Variants in MDC1 observed in about 807,000 individuals in gnomAD.
MDC1 encodes the protein mediator of DNA damage checkpoint protein 1.
A neutral mutation model predicts 142.5 loss-of-function variants in MDC1; 81 were observed. The observed-to-expected ratio is 0.57, with a 90% CI of 0.47 to 0.68. The LOEUF (loss-of-function observed/expected upper bound fraction) is 0.68, where lower values mean the gene tolerates loss of function less well. Among genes scored for constraint, MDC1 ranks in the 30% least tolerant of loss-of-function variants. MDC1 has a pLI of 0.00. For missense variants in MDC1, 2,119 were observed against 2,547.9 expected (o/e 0.83, Z 3.62); for synonymous variants, 797 against 968.4 (o/e 0.82, Z 3.29).
chr6:30,706,711 C>T (rs931012659), intron 9 of MDC1, among the ~76,000 whole-genome samples: 29 of 146,088 alleles, frequency 2.0e-4, no homozygotes, highest in African/African-American at 7.2e-4. Context: ...GGAGGAGAGT[C>T]GCTTGAACCC....
rs778948811 is a variant in MDC1, at chr6:30,705,933, C to G, written c.3250G>C (p.Asp1084His). 1 of 1,613,860 alleles carries G rather than the reference C, an allele frequency of 6.2e-7. No individual in the cohort carries two copies. The highest frequency in any genetic ancestry group is 2.2e-5 in the East Asian group (1 of 44,880). ...GCCTCTGGAGCTTCCTGACTCCCATCTTGCCTGGTCTTACGAACGGTTGGC... is the reference window on the plus strand; with the variant it reads ...GCCTCTGGAGCTTCCTGACTCCCATGTTGCCTGGTCTTACGAACGGTTGGC... ...IKPTVRKTRQ[D>H]GSQEAPEAPL... is the part of the protein sequence containing the mutation. Residue 1084 changes from aspartate (D) to histidine (H), a missense_variant, in exon 10 of 15, where the codon GAT becomes CAT. Physicochemically the swap from Asp to His is moderately conservative, Grantham distance 81 (BLOSUM62 -1). Coordinates refer to ENST00000376406, the MANE Select transcript of MDC1 (RefSeq NM_014641.3).
intron 14 of MDC1, 77 bp downstream of exon 14, chr6:30,702,476 C>T (rs371915350): frequency 8.4e-7 from 1 of 1,184,648 alleles, no homozygotes. Context: ...ATTTTTTTCC[C>T]TCCAATCTTT....
At chr6:30,701,221 T>G (rs2127650881) in intron 14 of MDC1, among the ~76,000 whole-genome samples, 1 of 151,390 alleles carries the variant, frequency 6.6e-6, no homozygotes, top group East Asian at 1.9e-4. Context: ...GCCAACATGG[T>G]GAAACCCCGT....
In MDC1 at chr6:30,704,373, A is replaced by G; in HGVS notation, c.4810T>C (p.Ser1604Pro). The change falls in exon 10 of 15, where the codon TCC (serine) becomes CCC (proline). Residue 1604 changes from serine to proline, a missense_variant. Coordinates refer to ENST00000376406, the MANE Select transcript of MDC1 (RefSeq NM_014641.3). Reference protein sequence around the residue: ...SRATRCRTNRSSVKTPEPVVP... With the variant: ...SRATRCRTNRPSVKTPEPVVP... ...ACTGGCTCAGGGGTCTTGACAGAGG[A>G]CCTATTTGTCCTGCACCTAGTGGCC... 1 of 1,611,490 alleles carries G rather than the reference A, an allele frequency of 6.2e-7. No homozygotes were observed. The highest frequency in any genetic ancestry group is 8.5e-7 in the Non-Finnish European group (1 of 1,179,442).
In MDC1 at chr6:30,704,069, G is replaced by A; in HGVS notation, c.5114C>T (p.Thr1705Ile). Residue 1705 changes from threonine to isoleucine, a missense_variant, in exon 10 of 15, where the codon ACC becomes ATC. Thr to Ile is a moderately conservative substitution (Grantham distance 89, BLOSUM62 -1). Transcript: ENST00000376406. The stretch of plus-strand genomic sequence containing the variant: ...CTCAGGGGAAATAGGCTGGTCTGTG[G>A]TGACAGGAGATTGGAATTCAGGGGT... Reference protein sequence around the residue: ...PTTPEFQSPVTTDQPISPEPI... With the variant: ...PTTPEFQSPVITDQPISPEPI... 1 of 1,614,166 alleles carries A rather than the reference G, an allele frequency of 6.2e-7. No individual in the cohort carries two copies. The highest frequency in any genetic ancestry group is 2.2e-5 in the East Asian group (1 of 44,886).
At position 30,703,829 on chromosome 6, in the gene MDC1, G is replaced by A. The variant is rs147739737; in HGVS notation, c.5354C>T (p.Ala1785Val). The A allele has an allele frequency of 3.7e-5, 59 of 1,611,136 alleles. No individual in the cohort carries two copies. Among genetic ancestry groups the A allele is most frequent in the Non-Finnish European group, 4.4e-5 (52 of 1,178,632 alleles). Reference sequence around the variant, plus strand: ...TGGTTCCACCTTTTGGATCTGGGAGGCATGAATTGGTGTCTCAAGAAGCTG... The same window carrying A: ...TGGTTCCACCTTTTGGATCTGGGAGACATGAATTGGTGTCTCAAGAAGCTG... ...SPQLLETPIH[A>V]SQIQKVEPAG... Residue 1785 changes from alanine to valine, a missense_variant, in exon 10 of 15, where the codon GCC (alanine) becomes GTC (valine). Coordinates refer to ENST00000376406, the MANE Select transcript of MDC1 (RefSeq NM_014641.3). The surrounding 1 kb of genome is among the most constrained non-coding windows in gnomAD (Gnocchi z 4.4).
chr6:30,706,194 TA>T (rs1703935809), intron 9 of MDC1, 96 bp from the exon 10 acceptor site: 2 of 1,116,136 alleles, frequency 1.8e-6, no homozygotes, highest in South Asian at 3.3e-5. Context: ...TAGATAGGCT[TA>T]CCAGATTTCC....
chr6:30,710,579 T>C (rs1774704339), intron 7 of MDC1, among the ~76,000 whole-genome samples: 1 of 152,102 alleles, frequency 6.6e-6, no homozygotes, highest in African/African-American at 2.4e-5. Context: ...GTATTTTTAG[T>C]AGAGACGGGG....
intron 14 of MDC1, 49 bp from the exon 15 acceptor site, chr6:30,700,681 A>C (rs1351223937): frequency 6.2e-7 from 1 of 1,604,548 alleles, no homozygotes; most frequent in Admixed American, 1.7e-5. Flanking sequence ...GAATCCTAGA[A>C]ATGGGTTCAG....
chr6:30,705,781 G>A lies in MDC1; in HGVS notation c.3402C>T (p.Ala1134=). The A allele has an allele frequency of 6.2e-7, 1 of 1,613,232 alleles. No individual in the cohort carries two copies. Among genetic ancestry groups the A allele is most frequent in the Non-Finnish European group, 8.5e-7 (1 of 1,179,492 alleles). Reference sequence around the variant, plus strand: ...ATGTGGGCTTGGGAGTGACTGGCTGGGCTGTGGAGGTGGAAGGGTGGGGCT... The same window carrying A: ...ATGTGGGCTTGGGAGTGACTGGCTGAGCTGTGGAGGTGGAAGGGTGGGGCT... The part of the protein sequence containing the change: ...APEPHPSTST[A]QPVTPKPTSQ... Residue 1134 remains alanine (A), a synonymous_variant, in exon 10 of 15, where the codon GCC becomes GCT. Coordinates refer to ENST00000376406, the MANE Select transcript of MDC1 (RefSeq NM_014641.3).
chr6:30,707,700 C>G lies in MDC1; in HGVS notation c.2879G>C (p.Gly960Ala). ...EPEGGSQDQK[G>A]QASSPTPEPG... ...CTCTGGTGTTGGGCTGGAGGCCTGC[C>G]CTTTCTGGTCCTGGCTCCCTCCCTC... is the stretch of plus-strand genomic sequence containing the variant. The change falls in exon 8 of 15, where the codon GGG becomes GCG. Residue 960 changes from glycine (G) to alanine (A), a missense_variant. By Grantham distance (60) the Gly-to-Ala change is moderately conservative. Transcript: ENST00000376406. 1 of 1,613,092 alleles carries G rather than the reference C, an allele frequency of 6.2e-7. No individual in the cohort carries two copies. Among genetic ancestry groups the G allele is most frequent in the Non-Finnish European group, 8.5e-7 (1 of 1,180,036 alleles).
At position 30,712,735 on chromosome 6, in the gene MDC1, C is replaced by T. The variant is rs144473623; in HGVS notation, c.1207G>A (p.Asp403Asn). 53 of 1,613,060 alleles carry T rather than the reference C, an allele frequency of 3.3e-5. No homozygotes were observed. The highest frequency in any genetic ancestry group is 1.6e-4 in the Middle Eastern group (1 of 6,062). The change falls in exon 5 of 15, where the codon GAT (aspartate) becomes AAT (asparagine). Residue 403 changes from aspartate to asparagine, a missense_variant. Asp to Asn is a conservative substitution (Grantham distance 23, BLOSUM62 1). Coordinates refer to ENST00000376406, the MANE Select transcript of MDC1 (RefSeq NM_014641.3). The surrounding 1 kb of genome is among the most constrained non-coding windows in gnomAD (Gnocchi z 4.7). ...GAGACTTCTTCCTCGTCATCTGTAT[C>T]GCTGTTGATAACCATGGAAGCTTGG... ...KSQASMVINS[D>N]TDDEEEVSAA...
In MDC1 at chr6:30,703,226, T is replaced by A. The variant is rs141546796; in HGVS notation, c.5743A>T (p.Ser1915Cys). 5.1e-5 allele frequency: 83 copies of A among 1,613,094 alleles called. No homozygotes were observed. Among genetic ancestry groups the A allele is most frequent in the African/African-American group, 1.1e-4 (8 of 75,034 alleles). Residue 1915 changes from serine (S) to cysteine (C), a missense_variant, in exon 12 of 15, where the codon AGT (serine) becomes TGT (cysteine). Transcript: ENST00000376406. This position sits in a 1 kb window ranked among gnomAD's most constrained non-coding sequence, Gnocchi z 4.4. ...GCCTCTGCCGCTGAACCAGCCAGAC[T>A]TCCCCCCAGTGCCAGCACAGCCCGC... ...GERAVLALGG[S>C]LAGSAAEASH...
chr6:30,712,537 C>CT lies in MDC1; in HGVS notation c.1404dup (p.Ala469SerfsTer10). On this transcript the variant is annotated frameshift_variant, in exon 5 of 15. Coordinates refer to ENST00000376406, the MANE Select transcript of MDC1 (RefSeq NM_014641.3). LOFTEE classifies it high-confidence loss of function. This position sits in a 1 kb window ranked among gnomAD's most constrained non-coding sequence, Gnocchi z 4.7. ...ATCTTTGTGTGATCCTTGAGGACAG[C>CT]TTCTCTATTTTCCACTGGGAGCTCT... The CT allele has an allele frequency of 6.2e-7, 1 of 1,613,056 alleles. No individual in the cohort carries two copies. The highest frequency in any genetic ancestry group is 2.2e-5 in the East Asian group (1 of 44,890).
Position 30,707,753 on chromosome 6 carries a change from C to T in MDC1, c.2826G>A (p.Leu942=), listed in dbSNP as rs1204167903. 6.2e-7 allele frequency: 1 copy of T among 1,613,106 alleles called. No homozygotes were observed. The highest frequency in any genetic ancestry group is 8.5e-7 in the Non-Finnish European group (1 of 1,180,032). ...GCTCCCCTCTCTGTGTATCTCTCTC[C>T]AGGATCACTTTGGGCACCTTCTCTT... ...ELEEKVPKVI[L]ERDTQRGEPE... The change falls in exon 8 of 15, where the codon CTG becomes CTA. Residue 942 remains leucine, a synonymous_variant. Coordinates refer to ENST00000376406, the MANE Select transcript of MDC1 (RefSeq NM_014641.3).
chr6:30,710,769 A>G (rs374622621), intron 7 of MDC1, among the ~76,000 whole-genome samples: 30 of 152,166 alleles, frequency 2.0e-4, no homozygotes, highest in African/African-American at 6.8e-4. Context: ...CCTATTGTGA[A>G]CAGTGCTGCA....
In MDC1 at chr6:30,707,758, T is replaced by C; in HGVS notation, c.2821A>G (p.Ile941Val). 6.2e-7 allele frequency: 1 copy of C among 1,613,096 alleles called. No individual in the cohort carries two copies. Among genetic ancestry groups the C allele is most frequent in the Non-Finnish European group, 8.5e-7 (1 of 1,180,038 alleles). Residue 941 changes from isoleucine (I) to valine (V), a missense_variant, in exon 8 of 15, where the codon ATC (isoleucine) becomes GTC (valine). Coordinates refer to ENST00000376406, the MANE Select transcript of MDC1 (RefSeq NM_014641.3). ...CCTCTCTGTGTATCTCTCTCCAGGA[T>C]CACTTTGGGCACCTTCTCTTCTAAC... ...AELEEKVPKV[I>V]LERDTQRGEP...
chr6:30,715,010 T>A lies in MDC1; in HGVS notation c.136+30A>T. On this transcript the variant is annotated intron_variant, in intron 2 of 14. Transcript: ENST00000376406. The surrounding 1 kb of genome is among the most constrained non-coding windows in gnomAD (Gnocchi z 4.1). ...TTACCACAAAAATAAAAGATCTATA[T>A]CAATACTTGAACATCCAATACCCTC... 1 of 1,611,960 alleles carries A rather than the reference T, an allele frequency of 6.2e-7. No homozygotes were observed.
chr6:30,703,497 T>C lies in MDC1; in HGVS notation c.5603A>G (p.Gln1868Arg), dbSNP rs752579170. The C allele has an allele frequency of 1.2e-6, 2 of 1,613,828 alleles. No individual in the cohort carries two copies. Among genetic ancestry groups the C allele is most frequent in the Admixed American group, 3.3e-5 (2 of 60,024 alleles). The change falls in exon 11 of 15, where the codon CAG becomes CGG. Residue 1868 changes from glutamine (Q) to arginine (R), a missense_variant. By Grantham distance (43) the Gln-to-Arg change is conservative (BLOSUM62 1). Coordinates refer to ENST00000376406, the MANE Select transcript of MDC1 (RefSeq NM_014641.3). The surrounding 1 kb of genome is among the most constrained non-coding windows in gnomAD (Gnocchi z 4.4). ...TPKPGKRKRD[Q>R]AEEEPNRIPS... ...TATTCTGTTGGGCTCCTCCTCTGCC[T>C]GGTCTCTCTTTCTCTTGCCTGGTTT...
Sources: gnomAD v4.1 joint callset for allele counts (sites outside exome capture counted in the v4.1 genomes callset) on GRCh38, gnomAD v4.1.1 for gene constraint, Gnocchi (gnomAD v3.1) non-coding constraint, MANE v1.5 for transcripts, NCBI Gene and HGNC (gene_info 2026-07-23, HGNC 2026-07-21) for gene names.